ATG5: variants seen among roughly 807,000 people sequenced by gnomAD.
ATG5 encodes the protein autophagy protein 5.
ATG5 carries 14 observed loss-of-function variants against 36.5 expected under a neutral mutation model. That is an observed-to-expected ratio of 0.38 (90% CI 0.25 to 0.60). The LOEUF (loss-of-function observed/expected upper bound fraction) is 0.60, where lower values mean the gene tolerates loss of function less well. Ranked by LOEUF, ATG5 falls within the 20% of genes least tolerant of loss-of-function variation. The probability of loss-of-function intolerance (pLI) is 0.60; values close to 1 mark genes in which losing one functional copy is unlikely to be tolerated. For missense variants in ATG5, 195 were observed against 326.7 expected (o/e 0.60, Z 3.11); for synonymous variants, 95 against 101.5 (o/e 0.94, Z 0.38).
chr6:106,320,339 G>A (rs539921996), intron 1 of ATG5, among the ~76,000 whole-genome samples: 2 of 152,306 alleles, frequency 1.3e-5, no homozygotes, highest in African/African-American at 2.4e-5. Flanking sequence ...TTTAAAAGAT[G>A]TGGAACTTGA....
intron 6 of ATG5, chr6:106,217,638 C>T (rs1469478245): frequency 6.6e-6 from 1 of 152,152 alleles, no homozygotes; most frequent in Non-Finnish European, 1.5e-5. Context: ...TAAGGGAACT[C>T]TTCCTTTTAT....
At chr6:106,189,570 G>A (rs1035222352) in intron 7 of ATG5, among the ~76,000 whole-genome samples, 6 of 151,800 alleles carry the variant, frequency 4.0e-5, no homozygotes, top group African/African-American at 7.2e-5. Context: ...ACAGTGAGCC[G>A]TGATGGCACC....
intron 3 of ATG5, chr6:106,304,181 C>T (rs972576810): frequency 2.6e-5 from 4 of 152,072 alleles, no homozygotes; most frequent in Admixed American, 2.0e-4. Flanking sequence ...CATTCACGCT[C>T]GTTTTGGCAG....
intron 6 of ATG5, among the ~76,000 whole-genome samples, chr6:106,233,099 C>T (rs1334003588): frequency 6.6e-6 from 1 of 152,184 alleles, no homozygotes; most frequent in Non-Finnish European, 1.5e-5. Context: ...CATCAAGTCA[C>T]CCAAGTGCTC....
intron 6 of ATG5, among the ~76,000 whole-genome samples, chr6:106,208,548 A>G (rs1776727459): frequency 6.6e-6 from 1 of 152,116 alleles, no homozygotes; most frequent in Admixed American, 6.5e-5. Context: ...ATGTTTTTCT[A>G]TATGGCAAGG....
At chr6:106,239,099 A>G (rs1442745782) in intron 6 of ATG5, among the ~76,000 whole-genome samples, 3 of 152,200 alleles carry the variant, frequency 2.0e-5, no homozygotes, top group Non-Finnish European at 2.9e-5. Flanking sequence ...AAAGTCTACT[A>G]GAACCATCAT....
At chr6:106,233,799 C>T (rs1777781779) in intron 6 of ATG5, among the ~76,000 whole-genome samples, 3 of 152,108 alleles carry the variant, frequency 2.0e-5, no homozygotes, top group Admixed American at 2.0e-4. Context: ...TTTCTCTTTA[C>T]TGTTCTCTTA....
intron 5 of ATG5, among the ~76,000 whole-genome samples, chr6:106,268,095 C>T (rs554568384): frequency 1.3e-5 from 2 of 152,198 alleles, no homozygotes; most frequent in African/African-American, 4.8e-5. Flanking sequence ...AGTGAAGAGG[C>T]AACCTACAGA....
At chr6:106,325,456 A>G (rs1771256770) in intron 1 of ATG5, 70 bp downstream of exon 1, 1 of 152,226 alleles carries the variant, frequency 6.6e-6, no homozygotes, top group African/African-American at 2.4e-5. Flanking sequence ...TTCCTACCAC[A>G]CCTACCTGGC....
At chr6:106,247,595 GTC>G (rs1778393780) in intron 6 of ATG5, among the ~76,000 whole-genome samples, 1 of 152,160 alleles carries the variant, frequency 6.6e-6, no homozygotes, top group Non-Finnish European at 1.5e-5. Context: ...TGAGCCCTCG[GTC>G]ACAACATGTT....
intron 1 of ATG5, among the ~76,000 whole-genome samples, chr6:106,317,509 C>T (rs1416999849): frequency 1.3e-5 from 2 of 152,016 alleles, no homozygotes; most frequent in African/African-American, 4.8e-5. Context: ...TCTACAGGTA[C>T]GTAAACTGCA....
intron 1 of ATG5, among the ~76,000 whole-genome samples, chr6:106,320,861 C>A (rs1771039556): frequency 6.6e-6 from 1 of 152,104 alleles, no homozygotes; most frequent in Non-Finnish European, 1.5e-5. Flanking sequence ...GGTAGCAGTG[C>A]ACAGAAGGGA....
chr6:106,197,943 C>T (rs1174889615), intron 7 of ATG5, among the ~76,000 whole-genome samples: 1 of 152,088 alleles, frequency 6.6e-6, no homozygotes, highest in African/African-American at 2.4e-5. Context: ...TAACTGAAAG[C>T]CAGTGCTGCC....
intron 5 of ATG5, among the ~76,000 whole-genome samples, chr6:106,278,891 G>A (rs1779763733): frequency 6.6e-6 from 1 of 152,148 alleles, no homozygotes; most frequent in African/African-American, 2.4e-5. Context: ...CTCATCTGTT[G>A]TTATGTAATG....
intron 3 of ATG5, among the ~76,000 whole-genome samples, chr6:106,296,720 A>T (rs1367514967): frequency 1.1e-4 from 16 of 152,220 alleles, no homozygotes; most frequent in Admixed American, 1.0e-3. Flanking sequence ...CGGGAGGCTG[A>T]GACAGGTGAA....
intron 5 of ATG5, among the ~76,000 whole-genome samples, chr6:106,252,130 G>A (rs1037888760): frequency 2.0e-5 from 3 of 152,170 alleles, no homozygotes; most frequent in Non-Finnish European, 4.4e-5. Context: ...ATGAGCCACC[G>A]TGCAGAGCCA....
intron 3 of ATG5, among the ~76,000 whole-genome samples, chr6:106,303,636 A>C (rs1463128489): frequency 6.6e-6 from 1 of 152,162 alleles, no homozygotes; most frequent in African/African-American, 2.4e-5. Flanking sequence ...TATGAACATA[A>C]GACACAAAAA....
Position 106,316,283 on chromosome 6 carries a change from G to A in ATG5, c.-58-17C>T. On this transcript the variant is annotated splice_polypyrimidine_tract_variant and intron_variant, in intron 1 of 7. Coordinates refer to ENST00000369076, the MANE Select transcript of ATG5 (RefSeq NM_004849.4). ...AAAGCCAAACTGAAAATAAAATGAA[G>A]AGCATTAGTCAGATCCTTGCAACGA... 8.7e-7 allele frequency: 1 copy of A among 1,143,340 alleles called. No homozygotes were observed. The highest frequency in any genetic ancestry group is 1.3e-6 in the Non-Finnish European group (1 of 769,338). 70.8% of individuals were successfully genotyped at this position (1,143,340 alleles called of 1,614,324 possible).
At chr6:106,210,121 A>C (rs976428295) in intron 6 of ATG5, among the ~76,000 whole-genome samples, 1 of 152,212 alleles carries the variant, frequency 6.6e-6, no homozygotes, top group African/African-American at 2.4e-5. Context: ...TCACATCAAT[A>C]ACAGTTGCTC....
Sources: allele counts gnomAD v4.1 joint callset (sites outside exome capture counted in the v4.1 genomes callset), GRCh38; gene constraint gnomAD v4.1.1; transcripts MANE v1.5; gene names NCBI Gene and HGNC (gene_info 2026-07-23, HGNC 2026-07-21).